Variants in HTT observed in about 807,000 individuals in gnomAD.
HTT encodes huntingtin.
Under a neutral mutation model 362.3 loss-of-function variants are expected in HTT, and 104 were observed. That is an observed-to-expected ratio of 0.29 (90% confidence interval 0.24 to 0.34). The LOEUF is 0.34. HTT is among the 10% of genes least tolerant of loss of function. HTT has a pLI of 1.00. For synonymous variants in HTT, 1,577 were observed against 1,548.7 expected, an observed-to-expected ratio of 1.02 and a Z score of -0.43; for missense variants, 3,301 against 3,928.6, an observed-to-expected ratio of 0.84 and a Z score of 4.27.
chr4:3,190,101 T>C (rs536643975), intron 40 of HTT, among the ~76,000 whole-genome samples: 3 of 152,254 alleles, frequency 2.0e-5, no homozygotes, highest in Non-Finnish European at 4.4e-5. Context: ...CCCAACACTT[T>C]GGGAGGTCAA....
intron 53 of HTT, among the ~76,000 whole-genome samples, 193 bp from the exon 54 acceptor site, chr4:3,222,194 A>G (rs1720706088): frequency 6.6e-6 from 1 of 152,196 alleles, no homozygotes; most frequent in Admixed American, 6.5e-5. Context: ...CGATGTCTAT[A>G]CTTCGGTTTC....
intron 1 of HTT, among the ~76,000 whole-genome samples, chr4:3,078,443 A>T (rs1044259980): frequency 1.1e-4 from 17 of 152,248 alleles, no homozygotes; most frequent in Non-Finnish European, 2.1e-4. Flanking sequence ...GTCAGGGTTA[A>T]TCGAGTGTTA....
chr4:3,086,959 C>A lies in HTT; in HGVS notation c.284C>A (p.Thr95Asn). 1 of 1,603,958 alleles carries A rather than the reference C, an allele frequency of 6.2e-7. No homozygotes were observed. ...TTTAGAAAGAAAGAACTTTCAGCTA[C>A]CAAGAAAGACCGTGTGAATCATTGT... is the stretch of plus-strand genomic sequence containing the variant. Reference protein sequence around the residue: ...LHRPKKELSATKKDRVNHCLT... With the variant: ...LHRPKKELSANKKDRVNHCLT... The change falls in exon 2 of 67, where the codon ACC becomes AAC. Residue 95 changes from threonine (T) to asparagine (N), a missense_variant. Coordinates refer to ENST00000355072, the MANE Select transcript of HTT (RefSeq NM_001388492.1).
Position 3,140,721 on chromosome 4 carries a change from G to C in HTT, c.2945+65G>C, listed in dbSNP as rs775483047. On this transcript the variant is annotated intron_variant, in intron 22 of 66. Transcript: ENST00000355072. ...TGCCCTTTCCTGATGCCTTTCTTTA[G>C]GCTTTAATTGAAAACATTTTATTTT... 14 of 1,454,904 alleles carry C rather than the reference G, an allele frequency of 9.6e-6. No homozygotes were observed. In the Admixed American group the frequency reaches 1.2e-4, roughly 13 times the overall value. 90.1% of individuals were successfully genotyped at this position (1,454,904 alleles called of 1,614,324 possible). A position where few individuals can be genotyped will look rare whatever the true frequency, so the allele number is the denominator to read the frequency against.
At chr4:3,106,895 G>C (rs769508626) in intron 5 of HTT, among the ~76,000 whole-genome samples, 1 of 152,034 alleles carries the variant, frequency 6.6e-6, no homozygotes, top group East Asian at 1.9e-4. Flanking sequence ...TACACATTCG[G>C]CTTTTCTTCT....
intron 29 of HTT, among the ~76,000 whole-genome samples, chr4:3,164,379 G>T (rs1369066624): frequency 1.3e-5 from 2 of 152,192 alleles, no homozygotes; most frequent in Non-Finnish European, 2.9e-5. Context: ...GTGCAATGTG[G>T]TGCTGAGAAG....
chr4:3,077,579 C>A (rs1481968726), intron 1 of HTT, among the ~76,000 whole-genome samples: 1 of 152,072 alleles, frequency 6.6e-6, no homozygotes, highest in African/African-American at 2.4e-5. Flanking sequence ...ACCACCATGT[C>A]CAGCTAATTT....
chr4:3,074,971 CTCAGCTTCCTCA>C lies in HTT; in HGVS notation c.147_158del (p.Gln50_Gln53del), dbSNP rs751507033. On this transcript the variant is annotated inframe_deletion, in exon 1 of 67. Coordinates refer to ENST00000355072, the MANE Select transcript of HTT (RefSeq NM_001388492.1). Reference sequence around the variant, plus strand: ...CCGCCGCCGCCGCCGCCGCCGCCTCCTCAGCTTCCTCAGCCGCCGCCGCAGGCACAGCCGCTG... The same window carrying C: ...CCGCCGCCGCCGCCGCCGCCGCCTCCGCCGCCGCCGCAGGCACAGCCGCTG... 3.4e-5 allele frequency: 48 copies of C among 1,428,782 alleles called. No individual in the cohort carries two copies. Among genetic ancestry groups the C allele is most frequent in the Middle Eastern group, 2.4e-4 (1 of 4,150 alleles). The allele number at this position is 1,428,782 out of a possible 1,614,324, so 88.5% of individuals were successfully genotyped here.
rs1414856395 is a variant in HTT, at chr4:3,211,982, T to A, written c.6468T>A (p.Ile2156=). 18 of 1,614,094 alleles carry A rather than the reference T, an allele frequency of 1.1e-5. No homozygotes were observed. Among genetic ancestry groups the A allele is most frequent in the African/African-American group, 2.7e-5 (2 of 74,942 alleles). Residue 2156 remains isoleucine, a synonymous_variant, in exon 48 of 67, where the codon ATT becomes ATA. Coordinates refer to ENST00000355072, the MANE Select transcript of HTT (RefSeq NM_001388492.1). ...APCLSLGMSE[I]SGGQKSALFE... ...GCTTAAGCCTAGGGATGAGTGAAAT[T>A]TCTGGTGGCCAGAAGAGTGCCCTTT...
intron 28 of HTT, among the ~76,000 whole-genome samples, chr4:3,158,800 G>T (rs557224169): frequency 6.6e-6 from 1 of 151,888 alleles, no homozygotes; most frequent in East Asian, 1.9e-4. Flanking sequence ...AGCAGAAGAC[G>T]GCATGTTGAA....
At chr4:3,075,734 C>A (rs892172335) in intron 1 of HTT, among the ~76,000 whole-genome samples, 1 of 151,402 alleles carries the variant, frequency 6.6e-6, no homozygotes, top group Non-Finnish European at 1.5e-5. Flanking sequence ...TGAGGCTCTT[C>A]CTACATTGTC....
intron 10 of HTT, chr4:3,123,142 T>A: frequency 2.4e-6 from 1 of 410,016 alleles, no homozygotes; most frequent in African/African-American, 2.1e-5. Context: ...AAAATTACTT[T>A]CATATCAGAA....
At chr4:3,076,857 A>G (rs1452030721) in intron 1 of HTT, among the ~76,000 whole-genome samples, 1 of 152,192 alleles carries the variant, frequency 6.6e-6, no homozygotes, top group Non-Finnish European at 1.5e-5. Context: ...TCATTACTTT[A>G]AGGTAATATA....
In HTT at chr4:3,206,891, A is replaced by T. The variant is rs770636484; in HGVS notation, c.5983A>T (p.Arg1995Trp). ...SGAVLTLYVD[R>W]LLCTPFRVLA... ...AGCTGTGCTCACGCTGTATGTGGAC[A>T]GGCTTCTGTGCACCCCTTTCCGTGT... Residue 1995 changes from arginine to tryptophan, a missense_variant, in exon 44 of 67, where the codon AGG (arginine) becomes TGG (tryptophan). This residue lies in a region of HTT where 2,316 missense variants were observed against 2,658.5 expected (regional missense o/e 0.87). Transcript: ENST00000355072. This position sits in a 1 kb window ranked among gnomAD's most constrained non-coding sequence, Gnocchi z 4.6. 1 of 1,614,090 alleles carries T rather than the reference A, an allele frequency of 6.2e-7. No homozygotes were observed.
At chr4:3,220,097 G>A in intron 52 of HTT, 85 bp from the exon 53 acceptor site, 2 of 1,487,122 alleles carry the variant, frequency 1.3e-6, no homozygotes, top group South Asian at 2.3e-5. Flanking sequence ...GGAGCCCAGT[G>A]GAGAGAAGTC....
At chr4:3,172,136 T>C (rs1718011645) in intron 29 of HTT, among the ~76,000 whole-genome samples, 184 bp from the exon 30 acceptor site, 2 of 152,258 alleles carry the variant, frequency 1.3e-5, no homozygotes, top group South Asian at 4.1e-4. Flanking sequence ...GTAATGTATA[T>C]AACTTGGATT....
rs1237248222 is a variant in HTT at position 3,160,403 on chromosome 4, T to C, written c.3864+11T>C. 1 of 1,504,004 alleles carries C rather than the reference T, an allele frequency of 6.6e-7. No individual in the cohort carries two copies. The highest frequency in any genetic ancestry group is 2.0e-5 in the Admixed American group (1 of 50,952). The allele number at this position is 1,504,004 out of a possible 1,614,324, so 93.2% of individuals were successfully genotyped here. The stretch of plus-strand genomic sequence containing the variant: ...CAGGACATTGGGAAGGTTTGTGTCT[T>C]GTTTTTTCTCCTTGGGTTGTGGCTG... On this transcript the variant is annotated intron_variant, in intron 29 of 66. Coordinates refer to ENST00000355072, the MANE Select transcript of HTT (RefSeq NM_001388492.1).
intron 29 of HTT, among the ~76,000 whole-genome samples, chr4:3,169,209 G>A (rs1487843824): frequency 2.0e-5 from 3 of 151,924 alleles, no homozygotes; most frequent in African/African-American, 7.3e-5. Flanking sequence ...TAGTAGAGAC[G>A]AGGTTTCACT....
rs2110172536 is a variant in HTT, at chr4:3,116,243, T to G, written c.1048T>G (p.Ser350Ala). 4.3e-6 allele frequency: 7 copies of G among 1,611,712 alleles called. No homozygotes were observed. The highest frequency in any genetic ancestry group is 5.9e-6 in the Non-Finnish European group (7 of 1,177,898). Residue 350 changes from serine (S) to alanine (A), a missense_variant, in exon 8 of 67, where the codon TCT becomes GCT. Physicochemically the swap from Ser to Ala is moderately conservative, Grantham distance 99. Around this residue, in one of 4 missense-constraint regions of HTT, gnomAD observed 2,316 missense variants for 2,658.5 expected, o/e 0.87. Coordinates refer to ENST00000355072, the MANE Select transcript of HTT (RefSeq NM_001388492.1). ...VTRKEMEVSP[S>A]AEQLVQVYEL... ...AAGGAAAGAAATGGAAGTCTCTCCT[T>G]CTGCAGAGCAGCTTGTCCAGGTAGG...
Sources: allele counts gnomAD v4.1 joint callset (sites outside exome capture counted in the v4.1 genomes callset), GRCh38; gene constraint gnomAD v4.1.1; regional missense constraint gnomAD v4.1.1; non-coding constraint Gnocchi (gnomAD v3.1); transcripts MANE v1.5; gene names NCBI Gene and HGNC (gene_info 2026-07-23, HGNC 2026-07-21).